The following OSBPL10 variants were observed in gnomAD, a reference collection of about 807,000 sequenced individuals.
OSBPL10 encodes the protein oxysterol binding protein like 10, also known as oxysterol-binding protein-related protein 10.
In OSBPL10, 49 loss-of-function variants were observed where a neutral mutation model predicts 81.7. That is an observed-to-expected ratio of 0.60 (90% CI 0.48 to 0.76). OSBPL10 has a LOEUF of 0.76. Ranked by LOEUF, OSBPL10 falls within the 30% of genes least tolerant of loss-of-function variation. OSBPL10 has a pLI of 0.00. For synonymous variants in OSBPL10, 419 were observed against 383.6 expected (o/e 1.09, Z -1.08); for missense variants, 923 against 987.8 (o/e 0.93, Z 0.88).
At position 31,876,480 on chromosome 3, in the gene OSBPL10, T is replaced by A. The variant is rs1387186736; in HGVS notation, c.490A>T (p.Thr164Ser). 6.2e-7 allele frequency: 1 copy of A among 1,613,644 alleles called. No individual in the cohort carries two copies. Among genetic ancestry groups the A allele is most frequent in the Non-Finnish European group, 8.5e-7 (1 of 1,179,556 alleles). ...TATTTGGCACAAGCTCGAAGCTGAG[T>A]CACCCAGAATTGTTTCTCTTTTGCA... is the stretch of plus-strand genomic sequence containing the variant. Reference protein sequence around the residue: ...ADAKEKQFWVTQLRACAKYHM... With the variant: ...ADAKEKQFWVSQLRACAKYHM... Residue 164 changes from threonine (T) to serine (S), a missense_variant, in exon 3 of 12, where the codon ACT (threonine) becomes TCT (serine). Coordinates refer to ENST00000396556, the MANE Select transcript of OSBPL10 (RefSeq NM_017784.5).
chr3:31,978,135 G>A lies in OSBPL10; in HGVS notation c.281+2764C>T, dbSNP rs74367560. On this transcript the variant is annotated intron_variant, in intron 1 of 11. Coordinates refer to ENST00000396556, the MANE Select transcript of OSBPL10 (RefSeq NM_017784.5). ...GGGTACAAACTGTTAGTGGGTGATT[G>A]GTATTAAGTCCTGGGAGCTGGTGAA... Among the ~76,000 whole-genome samples the A allele has an allele frequency of 7.8e-3, 1,188 of 152,292 alleles. 9 individuals are homozygous for A. The highest frequency in any genetic ancestry group is 0.013 in the Non-Finnish European group (896 of 68,024).
chr3:31,912,034 GA>G lies in OSBPL10; in HGVS notation c.282-32205del, dbSNP rs76644297. Among the ~76,000 whole-genome samples, 17 of 151,524 alleles carry G rather than the reference GA, an allele frequency of 1.1e-4. 1 individual carries two copies. Among genetic ancestry groups the G allele is most frequent in the African/African-American group, 3.6e-4 (15 of 41,282 alleles). ...ACTTAATGCCACGGTACAGTATGCC[GA>G]AAAAAACAGTTAAAATGATAAATTT... On this transcript the variant is annotated intron_variant, in intron 1 of 11. Coordinates refer to ENST00000396556, the MANE Select transcript of OSBPL10 (RefSeq NM_017784.5).
intron 6 of OSBPL10, among the ~76,000 whole-genome samples, chr3:31,728,344 C>A (rs1272102096): frequency 3.3e-5 from 5 of 152,156 alleles, no homozygotes; most frequent in Non-Finnish European, 1.5e-5. Context: ...GGCTTAAAAA[C>A]CCTCTGCTTA....
At chr3:31,675,176 C>G (rs1182897414) in intron 8 of OSBPL10, among the ~76,000 whole-genome samples, 1 of 151,246 alleles carries the variant, frequency 6.6e-6, no homozygotes, top group Non-Finnish European at 1.5e-5. Flanking sequence ...ATCGGGATAC[C>G]TTGGGAATTG....
intron 4 of OSBPL10, among the ~76,000 whole-genome samples, chr3:31,817,938 C>T (rs1699885318): frequency 6.6e-6 from 1 of 152,160 alleles, no homozygotes; most frequent in East Asian, 1.9e-4. Context: ...AACCATGTCT[C>T]TACAAAAAAT....
At chr3:31,805,366 T>C (rs971870341) in intron 4 of OSBPL10, among the ~76,000 whole-genome samples, 29 of 152,306 alleles carry the variant, frequency 1.9e-4, no homozygotes, top group African/African-American at 6.3e-4. Flanking sequence ...TGCATTCCCA[T>C]GCTCTCATCC....
chr3:31,662,277 T>C (rs1700088738), intron 11 of OSBPL10, 161 bp from the exon 12 acceptor site: 2 of 1,401,322 alleles, frequency 1.4e-6, no homozygotes, highest in African/African-American at 1.5e-5. Context: ...CAGCTGCTCT[T>C]TGGAGATCTA....
chr3:31,920,560 C>T (rs1696883871), intron 1 of OSBPL10, among the ~76,000 whole-genome samples: 1 of 152,172 alleles, frequency 6.6e-6, no homozygotes, highest in Non-Finnish European at 1.5e-5. Flanking sequence ...TACTGCTACA[C>T]ATGTGTACTG....
chr3:32,036,433 T>C (rs183353433), intron 2 of OSBPL10, among the ~76,000 whole-genome samples: 6 of 152,314 alleles, frequency 3.9e-5, no homozygotes, highest in Admixed American at 3.3e-4. Context: ...TTCTGACCTA[T>C]AATCCACCTA....
chr3:31,883,542 G>GA (rs1553636965), intron 1 of OSBPL10, among the ~76,000 whole-genome samples: 1 of 138,910 alleles, frequency 7.2e-6, no homozygotes, highest in Admixed American at 7.2e-5. Context: ...TTTTTTTGTT[G>GA]TTTTTTTTTT....
chr3:31,870,419 C>T (rs943326417), intron 3 of OSBPL10, among the ~76,000 whole-genome samples: 16 of 152,350 alleles, frequency 1.1e-4, no homozygotes, highest in African/African-American at 2.6e-4. Context: ...GGCTCCTGTG[C>T]GGCCCGAGCC....
At chr3:31,757,354 C>A (rs1697917668) in intron 4 of OSBPL10, among the ~76,000 whole-genome samples, 1 of 152,104 alleles carries the variant, frequency 6.6e-6, no homozygotes, top group African/African-American at 2.4e-5. Flanking sequence ...AATTCCAGCA[C>A]TTTGGGAGGC....
At chr3:32,034,467 A>G (rs1427924319) in intron 2 of OSBPL10, among the ~76,000 whole-genome samples, 1 of 148,908 alleles carries the variant, frequency 6.7e-6, no homozygotes, top group African/African-American at 2.5e-5. Context: ...AAGATTTTCT[A>G]CCAAATGTAA....
chr3:31,885,382 C>G (rs1013010388), intron 1 of OSBPL10, among the ~76,000 whole-genome samples: 3 of 152,120 alleles, frequency 2.0e-5, no homozygotes, highest in Admixed American at 6.5e-5. Context: ...CATGCACTCA[C>G]CCTTGAAGGT....
chr3:31,957,856 A>G (rs903117556), intron 1 of OSBPL10, among the ~76,000 whole-genome samples: 1 of 152,004 alleles, frequency 6.6e-6, no homozygotes, highest in African/African-American at 2.4e-5. Context: ...GGCCAGGCTG[A>G]TCTTAAACCC....
chr3:31,838,348 A>G (rs1043557953), intron 3 of OSBPL10, among the ~76,000 whole-genome samples: 1 of 151,996 alleles, frequency 6.6e-6, no homozygotes, highest in South Asian at 2.1e-4. Flanking sequence ...GTCTTTACTA[A>G]GAATACAAAA....
intron 6 of OSBPL10, among the ~76,000 whole-genome samples, chr3:31,715,989 G>A (rs190347798): frequency 3.9e-4 from 59 of 152,238 alleles, no homozygotes; most frequent in African/African-American, 1.3e-3. Flanking sequence ...TGAACTCTAC[G>A]GCAGGGACAG....
intron 1 of OSBPL10, among the ~76,000 whole-genome samples, chr3:31,966,981 A>G (rs1402512368): frequency 6.6e-6 from 1 of 152,154 alleles, no homozygotes; most frequent in African/African-American, 2.4e-5. Context: ...TGTGAGTATG[A>G]GCAAGTTCAT....
intron 5 of OSBPL10, among the ~76,000 whole-genome samples, chr3:31,743,932 C>G (rs1575515501): frequency 6.6e-6 from 1 of 152,312 alleles, no homozygotes; most frequent in African/African-American, 2.4e-5. Flanking sequence ...TCTAAACAAA[C>G]ACATTTTGTG....
Sources: allele counts gnomAD v4.1 joint callset (sites outside exome capture counted in the v4.1 genomes callset), GRCh38; gene constraint gnomAD v4.1.1; transcripts MANE v1.5; gene names NCBI Gene and HGNC (gene_info 2026-07-23, HGNC 2026-07-21).